IQCM: variants seen among roughly 807,000 people sequenced by gnomAD.
The protein encoded by IQCM is IQ domain-containing protein M.
Under a neutral mutation model 57.6 loss-of-function variants are expected in IQCM, and 45 were observed. That is an observed-to-expected ratio of 0.78 (90% CI 0.62 to 1.00). IQCM has a LOEUF of 1.00. Ranked by LOEUF, IQCM falls within the 50% of genes least tolerant of loss-of-function variation. The probability of loss-of-function intolerance (pLI) is 0.00; values close to 1 mark genes in which losing one functional copy is unlikely to be tolerated. For synonymous variants in IQCM, 148 were observed against 158.9 expected, an observed-to-expected ratio of 0.93 and a Z score of 0.51; for missense variants, 468 against 511.6, an observed-to-expected ratio of 0.91 and a Z score of 0.82.
chr4:149,660,167 T>C (rs1254612501), intron 7 of IQCM, among the ~76,000 whole-genome samples: 7 of 150,802 alleles, frequency 4.6e-5, no homozygotes, highest in East Asian at 1.9e-4. Context: ...AAAAAGTGGG[T>C]GAAGGATATG....
intron 6 of IQCM, among the ~76,000 whole-genome samples, chr4:149,683,746 G>A (rs980083957): frequency 2.6e-5 from 4 of 151,218 alleles, no homozygotes; most frequent in Admixed American, 1.3e-4. Flanking sequence ...ATTTTCAATT[G>A]TTCCTGACTA....
intron 5 of IQCM, among the ~76,000 whole-genome samples, chr4:149,731,992 C>T (rs910658304): frequency 6.6e-6 from 1 of 152,156 alleles, no homozygotes; most frequent in Non-Finnish European, 1.5e-5. Context: ...TGCTTCCCTA[C>T]TGCCCTAATT....
At chr4:149,708,961 C>A (rs184355233) in intron 5 of IQCM, among the ~76,000 whole-genome samples, 1 of 152,036 alleles carries the variant, frequency 6.6e-6, no homozygotes, top group Admixed American at 6.6e-5. Flanking sequence ...TAAAGCTGAC[C>A]AGTTTTTGTG....
At chr4:149,451,590 A>G (rs1737127234) in intron 12 of IQCM, among the ~76,000 whole-genome samples, 1 of 151,788 alleles carries the variant, frequency 6.6e-6, no homozygotes, top group Non-Finnish European at 1.5e-5. Context: ...GACTTTAGGA[A>G]AAAAAGAGCA....
intron 7 of IQCM, among the ~76,000 whole-genome samples, chr4:149,652,143 C>A: frequency 6.6e-6 from 1 of 152,210 alleles, no homozygotes; most frequent in East Asian, 1.9e-4. Context: ...GAGTTCATGT[C>A]CTCTGTAGGG....
intron 5 of IQCM, among the ~76,000 whole-genome samples, chr4:149,728,064 T>G (rs1344436721): frequency 6.6e-6 from 1 of 152,212 alleles, no homozygotes; most frequent in Non-Finnish European, 1.5e-5. Context: ...AAACATGTGC[T>G]AGCACGGCAC....
At chr4:149,382,705 C>G (rs536947946) in intron 13 of IQCM, among the ~76,000 whole-genome samples, 1 of 151,978 alleles carries the variant, frequency 6.6e-6, no homozygotes, top group South Asian at 2.1e-4. Flanking sequence ...AACCTCCTGC[C>G]GAATAGAAGG....
chr4:149,552,721 T>C (rs1188072499), intron 11 of IQCM, among the ~76,000 whole-genome samples: 4 of 152,216 alleles, frequency 2.6e-5, no homozygotes, highest in Non-Finnish European at 4.4e-5. Flanking sequence ...TCAAGCTATA[T>C]GTATCAGTTG....
At chr4:149,545,986 A>C (rs997458439) in intron 12 of IQCM, among the ~76,000 whole-genome samples, 2 of 152,046 alleles carry the variant, frequency 1.3e-5, no homozygotes, top group Admixed American at 1.3e-4. Flanking sequence ...ACCCCACGAC[A>C]GGCCCCAGTG....
chr4:149,584,232 T>C (rs1206986676), intron 9 of IQCM, among the ~76,000 whole-genome samples: 1 of 151,574 alleles, frequency 6.6e-6, no homozygotes, highest in Non-Finnish European at 1.5e-5. Context: ...AAAATGGTTT[T>C]AGAATTTCTC....
intron 13 of IQCM, among the ~76,000 whole-genome samples, chr4:149,376,079 A>C (rs1730682664): frequency 6.6e-6 from 1 of 152,140 alleles, no homozygotes; most frequent in South Asian, 2.1e-4. Context: ...GAATCAGGTG[A>C]AAAACATTAG....
At chr4:149,661,793 G>T (rs1157732934) in intron 7 of IQCM, among the ~76,000 whole-genome samples, 1 of 151,986 alleles carries the variant, frequency 6.6e-6, no homozygotes, top group Admixed American at 6.6e-5. Flanking sequence ...GTATCAAGTT[G>T]TAATGTCTCC....
chr4:149,512,645 T>G (rs977052962), intron 12 of IQCM, among the ~76,000 whole-genome samples: 3 of 152,200 alleles, frequency 2.0e-5, no homozygotes, highest in Non-Finnish European at 2.9e-5. Flanking sequence ...ATTTGTGACT[T>G]ATGACCCAGC....
At chr4:149,760,738 T>C (rs970763560) in intron 2 of IQCM, among the ~76,000 whole-genome samples, 9 of 152,096 alleles carry the variant, frequency 5.9e-5, no homozygotes, top group Admixed American at 2.0e-4. Context: ...GAACAGAGTA[T>C]ATAAAATTAC....
chr4:149,368,645 C>T (rs34425028), intron 13 of IQCM, among the ~76,000 whole-genome samples: 42,202 of 149,218 alleles, frequency 0.28, 6,116 homozygotes, highest in Middle Eastern at 0.33. Context: ...TTTGAAATTC[C>T]TCATCATATT....
chr4:149,594,393 T>C (rs922654685), intron 8 of IQCM, among the ~76,000 whole-genome samples: 1 of 152,124 alleles, frequency 6.6e-6, no homozygotes, highest in African/African-American at 2.4e-5. Context: ...TTTGTTGATC[T>C]TTTCAAAAAA....
chr4:149,812,503 GACACAC>G (rs71596217), intron 2 of IQCM, among the ~76,000 whole-genome samples: 11 of 132,098 alleles, frequency 8.3e-5, no homozygotes, highest in South Asian at 5.1e-4. Context: ...CACACACACA[GACACAC>G]ACACACACAC....
chr4:149,459,949 C>T (rs4479685), intron 12 of IQCM, among the ~76,000 whole-genome samples: 4,365 of 152,202 alleles, frequency 0.029, 178 homozygotes, highest in African/African-American at 0.097. Flanking sequence ...AGTGGAATTG[C>T]TGGATCATAT....
At chr4:149,392,419 T>C (rs1272980990) in intron 13 of IQCM, among the ~76,000 whole-genome samples, 1 of 152,000 alleles carries the variant, frequency 6.6e-6, no homozygotes, top group Non-Finnish European at 1.5e-5. Flanking sequence ...ACCATCATCA[T>C]ATAATGTTTT....
Sources: allele counts gnomAD v4.1 joint callset (sites outside exome capture counted in the v4.1 genomes callset), GRCh38; gene constraint gnomAD v4.1.1; transcripts MANE v1.5; gene names NCBI Gene and HGNC (gene_info 2026-07-23, HGNC 2026-07-21).